The following SCN2A variants were observed in gnomAD, a reference collection of about 807,000 sequenced individuals.
SCN2A encodes sodium channel protein type 2 subunit alpha.
SCN2A carries 20 observed loss-of-function variants against 188.7 expected under a neutral mutation model. The observed-to-expected ratio is 0.11, with a 90% CI of 0.07 to 0.15. SCN2A has a LOEUF of 0.15. Among genes scored for constraint, SCN2A ranks in the 10% least tolerant of loss-of-function variants. The pLI, the probability that SCN2A is intolerant of heterozygous loss-of-function variation, is 1.00. For missense variants in SCN2A, 1,278 were observed against 2,445.0 expected, an observed-to-expected ratio of 0.52 and a Z score of 10.07; for synonymous variants, 804 against 833.1, an observed-to-expected ratio of 0.97 and a Z score of 0.60.
intron 1 of SCN2A, chr2:165,273,853 G>A (rs1695208775): frequency 6.6e-6 from 1 of 152,018 alleles, no homozygotes; most frequent in South Asian, 2.1e-4. Context: ...TATATAGAAT[G>A]CAAATGGTCA....
chr2:165,370,203 C>T lies in SCN2A; in HGVS notation c.3753C>T (p.Tyr1251=), dbSNP rs770116598. ...AATATGCTGACAAGGTTTTCACTTA[C>T]ATATTCATTCTGGAAATGCTGCTAA... The part of the protein sequence containing the change: ...MLEYADKVFT[Y]IFILEMLLKW... The change falls in exon 20 of 27, where the codon TAC becomes TAT. Residue 1251 remains tyrosine, a synonymous_variant. Transcript: ENST00000375437. The T allele has an allele frequency of 5.6e-5, 91 of 1,613,926 alleles. No individual in the cohort carries two copies. The highest frequency in any genetic ancestry group is 7.6e-5 in the Non-Finnish European group (90 of 1,179,936).
At position 165,385,350 on chromosome 2, in the gene SCN2A, A is replaced by G. The variant is rs139633527; in HGVS notation, c.4552-1396A>G. Among the ~76,000 whole-genome samples, 1,469 of 152,318 alleles carry G rather than the reference A, an allele frequency of 9.6e-3. 8 individuals carry two copies. The highest frequency in any genetic ancestry group is 0.017 in the Admixed American group (267 of 15,286). ...CCCTAGATTACCTGAGAAACAAAGC[A>G]GATACGTGCAAAATGGAACAATACA... On this transcript the variant is annotated intron_variant, in intron 25 of 26. Coordinates refer to ENST00000375437, the MANE Select transcript of SCN2A (RefSeq NM_001040142.2).
chr2:165,317,267 AG>A (rs1158648793), intron 11 of SCN2A, among the ~76,000 whole-genome samples: 5 of 151,820 alleles, frequency 3.3e-5, no homozygotes, highest in African/African-American at 1.2e-4. Flanking sequence ...TTCCATTAGT[AG>A]AAACATTAAT....
intron 1 of SCN2A, among the ~76,000 whole-genome samples, chr2:165,255,042 C>T (rs1224679290): frequency 6.6e-6 from 1 of 151,648 alleles, no homozygotes; most frequent in Non-Finnish European, 1.5e-5. Flanking sequence ...AACATCTGTT[C>T]AACTTTTGCT....
intron 7 of SCN2A, chr2:165,310,812 TATACTC>T (rs1347130391): frequency 1.7e-5 from 5 of 292,762 alleles, no homozygotes; most frequent in Non-Finnish European, 3.1e-5. Flanking sequence ...TGTGTTGTCT[TATACTC>T]ATGTTGAAAG....
chr2:165,365,310 C>A, intron 18 of SCN2A, 47 bp downstream of exon 18: 4 of 1,605,586 alleles, frequency 2.5e-6, no homozygotes, highest in Non-Finnish European at 3.4e-6. Flanking sequence ...CTCTTTTCTA[C>A]CCATTTTTTC....
chr2:165,331,243 A>AT (rs1698657171), intron 13 of SCN2A, 87 bp from the exon 14 acceptor site: 2 of 1,074,890 alleles, frequency 1.9e-6, no homozygotes, highest in Non-Finnish European at 2.9e-6. Flanking sequence ...ACAACTTTAG[A>AT]TTTTTTAAAT....
At chr2:165,377,747 C>A (rs1198169498) in intron 23 of SCN2A, 97 bp downstream of exon 23, 2 of 1,000,880 alleles carry the variant, frequency 2.0e-6, no homozygotes, top group Non-Finnish European at 3.0e-6. Context: ...AAATTATGTG[C>A]TTAATTTATA....
Position 165,286,950 on chromosome 2 carries a change from CAT to C in SCN2A, c.-51-8822_-51-8821del, listed in dbSNP as rs1574502711. ...CCCATTTTACCATCCTTTAGTTTTA[CAT>C]TTAACATGTCACCAGTGGTGAATCC... is the stretch of plus-strand genomic sequence containing the variant. On this transcript the variant is annotated intron_variant, in intron 1 of 26. Coordinates refer to ENST00000375437, the MANE Select transcript of SCN2A (RefSeq NM_001040142.2). 2.0e-5 allele frequency among the ~76,000 whole-genome samples: 3 copies of C among 152,224 alleles called. No individual in the cohort carries two copies. In the East Asian group the frequency reaches 5.8e-4, roughly 29 times the overall value.
Position 165,391,791 on chromosome 2 carries a change from A to G in SCN2A, c.*1967A>G, listed in dbSNP as rs1347566975. The stretch of plus-strand genomic sequence containing the variant: ...GATAGATCTTATTGACCCATATGGC[A>G]CTAGAACTGTATCAGATATAATATG... On this transcript the variant is annotated 3_prime_UTR_variant, in exon 27 of 27. Coordinates refer to ENST00000375437, the MANE Select transcript of SCN2A (RefSeq NM_001040142.2). The G allele has an allele frequency of 6.6e-6, 1 of 152,460 alleles. No homozygotes were observed. The highest frequency in any genetic ancestry group is 1.5e-5 in the Non-Finnish European group (1 of 67,982). 9.4% of individuals were successfully genotyped at this position (152,460 alleles called of 1,614,324 possible).
intron 1 of SCN2A, chr2:165,270,393 T>C (rs188954069): frequency 5.1e-4 from 77 of 152,204 alleles, no homozygotes; most frequent in African/African-American, 1.8e-3. Flanking sequence ...TGTACTAGAA[T>C]TGTAATTTAA....
At chr2:165,294,179 T>G (rs777419988) in intron 1 of SCN2A, 1 of 857,372 alleles carries the variant, frequency 1.2e-6, no homozygotes, top group African/African-American at 1.8e-5. Context: ...CTGTGATGCT[T>G]CTCTACCTTT....
intron 17 of SCN2A, among the ~76,000 whole-genome samples, chr2:165,356,893 C>T (rs190250931): frequency 1.1e-3 from 172 of 152,226 alleles, no homozygotes; most frequent in African/African-American, 4.1e-3. Context: ...TAAGTTAGCT[C>T]TGAGTTAAAT....
At chr2:165,323,639 T>C in intron 12 of SCN2A, 139 bp downstream of exon 12, 1 of 801,152 alleles carries the variant, frequency 1.2e-6, no homozygotes, top group East Asian at 2.7e-5. Flanking sequence ...AGCTGTTAAC[T>C]GTCTTGTGAA....
intron 6 of SCN2A, 95 bp from the exon 7 acceptor site, chr2:165,310,228 C>A: frequency 7.6e-7 from 1 of 1,313,584 alleles, no homozygotes; most frequent in Non-Finnish European, 1.1e-6. Context: ...TTCTGCATGA[C>A]ATTTTTATTT....
At chr2:165,261,897 G>A (rs1179787042) in intron 1 of SCN2A, among the ~76,000 whole-genome samples, 2 of 152,176 alleles carry the variant, frequency 1.3e-5, no homozygotes, top group Non-Finnish European at 2.9e-5. Flanking sequence ...TGGCTTTTGA[G>A]TGCTTTGGTT....
intron 18 of SCN2A, among the ~76,000 whole-genome samples, chr2:165,365,487 G>A (rs1700681931): frequency 6.7e-6 from 1 of 150,186 alleles, no homozygotes; most frequent in African/African-American, 2.5e-5. Context: ...TTTTTAAAAG[G>A]CAAAGTTTAA....
intron 19 of SCN2A, among the ~76,000 whole-genome samples, chr2:165,369,350 C>A (rs548826767): frequency 2.0e-5 from 3 of 152,318 alleles, no homozygotes; most frequent in Admixed American, 6.5e-5. Context: ...AATTGCACAA[C>A]GTGCTGGCAC....
At chr2:165,367,407 C>T (rs1326591388) in intron 19 of SCN2A, 36 bp downstream of exon 19, 6 of 1,609,978 alleles carry the variant, frequency 3.7e-6, no homozygotes, top group Non-Finnish European at 5.1e-6. Flanking sequence ...CACCTTTCAT[C>T]TGAAATCTTT....
Sources: gnomAD v4.1 joint callset for allele counts (sites outside exome capture counted in the v4.1 genomes callset) on GRCh38, gnomAD v4.1.1 for gene constraint, MANE v1.5 for transcripts, NCBI Gene and HGNC (gene_info 2026-07-23, HGNC 2026-07-21) for gene names.